The following HGH1 variants were observed in gnomAD, a reference collection of about 807,000 sequenced individuals.
HGH1 encodes co-chaperone protein HGH1 homolog.
In HGH1, 31 loss-of-function variants were observed where a neutral mutation model predicts 31.7. The ratio of observed to expected loss-of-function variants is 0.98; its 90% CI spans 0.73 to 1.32. The LOEUF is 1.32. HGH1 is among the 40% of genes most tolerant of loss of function. HGH1 has a pLI of 0.00. For missense variants in HGH1, 618 were observed against 594.4 expected, an observed-to-expected ratio of 1.04 and a Z score of -0.41; for synonymous variants, 284 against 293.6, an observed-to-expected ratio of 0.97 and a Z score of 0.34.
In HGH1 at chr8:144,137,897, A is replaced by G; in HGVS notation, c.62A>G (p.Glu21Gly). 7.6e-7 allele frequency: 1 copy of G among 1,311,642 alleles called. No individual in the cohort carries two copies. 81.3% of individuals were successfully genotyped at this position (1,311,642 alleles called of 1,614,324 possible). ...SGGPEASPEA[E>G]VVKLLPFLAP... ...GGGCCGGAGGCAAGCCCGGAGGCAG[A>G]GGTGGTGAAGCTGCTGCCCTTCCTG... is the stretch of plus-strand genomic sequence containing the variant. Residue 21 changes from glutamate to glycine, a missense_variant, in exon 1 of 6, where the codon GAG becomes GGG. Coordinates refer to ENST00000347708, the MANE Select transcript of HGH1 (RefSeq NM_016458.4).
Position 144,138,574 on chromosome 8 carries a change from G to T in HGH1, c.661G>T (p.Val221Leu). The T allele has an allele frequency of 6.2e-7, 1 of 1,612,960 alleles. No individual in the cohort carries two copies. Among genetic ancestry groups the T allele is most frequent in the Non-Finnish European group, 8.5e-7 (1 of 1,179,568 alleles). The change falls in exon 2 of 6, where the codon GTG (valine) becomes TTG (leucine). Residue 221 changes from valine (V) to leucine (L), a missense_variant. Transcript: ENST00000347708. ...CTCCTCTGTACGCAGGGGCGGGGTG[G>T]TGGGGACGCTGCGGAATTGCTGCTT... Reference protein sequence around the residue: ...PDSSVRRGGVVGTLRNCCFEH... With the variant: ...PDSSVRRGGVLGTLRNCCFEH...
chr8:144,138,369 G>A lies in HGH1; in HGVS notation c.534G>A (p.Pro178=), dbSNP rs899328421. 6.3e-7 allele frequency: 1 copy of A among 1,581,512 alleles called. No individual in the cohort carries two copies. The change falls in exon 1 of 6, where the codon CCG becomes CCA. Residue 178 remains proline, a synonymous_variant. Coordinates refer to ENST00000347708, the MANE Select transcript of HGH1 (RefSeq NM_016458.4). ...NARAPLHYLA[P]LLSNLSQRPA... Reference sequence around the variant, plus strand: ...GCGCGCCCCTGCACTACCTAGCGCCGCTGCTCTCCAACCTCAGCCAACGCC... The same window carrying A: ...GCGCGCCCCTGCACTACCTAGCGCCACTGCTCTCCAACCTCAGCCAACGCC...
Position 144,140,608 on chromosome 8 carries a change from C to T in HGH1, c.*1056C>T, listed in dbSNP as rs925385493. 1.0e-4 allele frequency: 16 copies of T among 152,440 alleles called. No homozygotes were observed. Among genetic ancestry groups the T allele is most frequent in the African/African-American group, 3.8e-4 (16 of 41,564 alleles). 9.4% of individuals were successfully genotyped at this position (152,440 alleles called of 1,614,324 possible). On this transcript the variant is annotated 3_prime_UTR_variant, in exon 6 of 6. Coordinates refer to ENST00000347708, the MANE Select transcript of HGH1 (RefSeq NM_016458.4). The stretch of plus-strand genomic sequence containing the variant: ...TGGCAATTCACAATGCCTCACTCCA[C>T]ACCCTAAAACTGGAGCGTCCCCTAT...
Position 144,137,967 on chromosome 8 carries a change from C to T in HGH1, c.132C>T (p.His44=), listed in dbSNP as rs1815117505. 1.5e-6 allele frequency: 2 copies of T among 1,321,804 alleles called. No individual in the cohort carries two copies. The highest frequency in any genetic ancestry group is 2.1e-5 in the South Asian group (1 of 48,016). The allele number at this position is 1,321,804 out of a possible 1,614,324, so 81.9% of individuals were successfully genotyped here. Residue 44 remains histidine, a synonymous_variant, in exon 1 of 6, where the codon CAC becomes CAT. Transcript: ENST00000347708. ...RADLQAAAVR[H]VLALTGCGPG... ...ACCTGCAGGCGGCGGCGGTGCGGCA[C>T]GTGCTGGCGCTGACTGGCTGCGGAC... is the stretch of plus-strand genomic sequence containing the variant.
In HGH1 at chr8:144,139,120, C is replaced by G; in HGVS notation, c.885+20C>G. 3.1e-6 allele frequency: 5 copies of G among 1,613,992 alleles called. No homozygotes were observed. The highest frequency in any genetic ancestry group is 4.2e-6 in the Non-Finnish European group (5 of 1,179,866). The stretch of plus-strand genomic sequence containing the variant: ...ATGCTGGTGAGCAGGAGCCCTGCTG[C>G]AATAAGCACCACCCCAACACACACA... On this transcript the variant is annotated intron_variant, in intron 4 of 5. Coordinates refer to ENST00000347708, the MANE Select transcript of HGH1 (RefSeq NM_016458.4).
rs1220685497 is a variant in HGH1, at chr8:144,137,984, G to T, written c.149G>T (p.Gly50Val). The change falls in exon 1 of 6, where the codon GGC becomes GTC. Residue 50 changes from glycine (G) to valine (V), a missense_variant. By Grantham distance (109) the Gly-to-Val change is moderately radical (BLOSUM62 -3). Transcript: ENST00000347708. ...AAVRHVLALT[G>V]CGPGRALLAG... ...GTGCGGCACGTGCTGGCGCTGACTG[G>T]CTGCGGACCCGGCCGCGCGCTGTTG... is the stretch of plus-strand genomic sequence containing the variant. 3.0e-6 allele frequency: 4 copies of T among 1,329,502 alleles called. No individual in the cohort carries two copies. In the East Asian group the frequency reaches 9.5e-5, roughly 32 times the overall value. The allele number at this position is 1,329,502 out of a possible 1,614,324, so 82.4% of individuals were successfully genotyped here. A position where few individuals can be genotyped will look rare whatever the true frequency, so the allele number is the denominator to read the frequency against.
In HGH1 at chr8:144,138,562, A is replaced by T; in HGVS notation, c.649A>T (p.Arg217Trp). ...LTQYPDSSVR[R>W]GGVVGTLRNC... ...CCAGTACCCCGACTCCTCTGTACGCAGGGGCGGGGTGGTGGGGACGCTGCG... is the reference window on the plus strand; with the variant it reads ...CCAGTACCCCGACTCCTCTGTACGCTGGGGCGGGGTGGTGGGGACGCTGCG... The change falls in exon 2 of 6, where the codon AGG (arginine) becomes TGG (tryptophan). Residue 217 changes from arginine (R) to tryptophan (W), a missense_variant. Transcript: ENST00000347708. 1 of 1,612,682 alleles carries T rather than the reference A, an allele frequency of 6.2e-7. No individual in the cohort carries two copies. The highest frequency in any genetic ancestry group is 8.5e-7 in the Non-Finnish European group (1 of 1,179,492).
rs1276103221 is a variant in HGH1 at position 144,137,919 on chromosome 8, C to T, written c.84C>T (p.Phe28=). 19 of 1,326,012 alleles carry T rather than the reference C, an allele frequency of 1.4e-5. No individual in the cohort carries two copies. In the East Asian group the frequency reaches 5.2e-4, roughly 37 times the overall value. 82.1% of individuals were successfully genotyped at this position (1,326,012 alleles called of 1,614,324 possible). The change falls in exon 1 of 6, where the codon TTC becomes TTT. Residue 28 remains phenylalanine, a synonymous_variant. Coordinates refer to ENST00000347708, the MANE Select transcript of HGH1 (RefSeq NM_016458.4). ...CAGAGGTGGTGAAGCTGCTGCCCTTCCTGGCGCCGGGCGCGCGGGCGGACC... is the reference window on the plus strand; with the variant it reads ...CAGAGGTGGTGAAGCTGCTGCCCTTTCTGGCGCCGGGCGCGCGGGCGGACC... ...PEAEVVKLLP[F]LAPGARADLQ...
At position 144,139,514 on chromosome 8, in the gene HGH1, G is replaced by T. The variant is rs1233852505; in HGVS notation, c.1135G>T (p.Ala379Ser). The T allele has an allele frequency of 3.8e-6, 6 of 1,560,692 alleles. No individual in the cohort carries two copies. The highest frequency in any genetic ancestry group is 5.2e-6 in the Non-Finnish European group (6 of 1,152,770). ...REQEQLEREL[A>S]PEPWVERATP... is the part of the protein sequence containing the mutation. ...GCAGGAGCAGTTGGAGCGGGAGCTG[G>T]CCCCAGAGCCATGGGTGGAGAGGGC... The change falls in exon 6 of 6, where the codon GCC (alanine) becomes TCC (serine). Residue 379 changes from alanine to serine, a missense_variant. Ala to Ser is a moderately conservative substitution (Grantham distance 99, BLOSUM62 1). Transcript: ENST00000347708.
At position 144,139,262 on chromosome 8, in the gene HGH1, G is replaced by A; in HGVS notation, c.959G>A (p.Ser320Asn). ...TACCTGATCCTTCGAGAGCTGCACAGCTGGGAGCCGGAGCCCGACGTGCGG... is the reference window on the plus strand; with the variant it reads ...TACCTGATCCTTCGAGAGCTGCACAACTGGGAGCCGGAGCCCGACGTGCGG... The part of the protein sequence containing the change: ...GAYLILRELH[S>N]WEPEPDVRTA... The change falls in exon 5 of 6, where the codon AGC (serine) becomes AAC (asparagine). Residue 320 changes from serine to asparagine, a missense_variant. Physicochemically the swap from Ser to Asn is conservative, Grantham distance 46 (BLOSUM62 1). Transcript: ENST00000347708. 1.2e-6 allele frequency: 2 copies of A among 1,613,992 alleles called. No homozygotes were observed. Among genetic ancestry groups the A allele is most frequent in the South Asian group, 2.2e-5 (2 of 91,074 alleles).
chr8:144,139,160 C>T, intron 4 of HGH1, 29 bp from the exon 5 acceptor site: 2 of 1,613,998 alleles, frequency 1.2e-6, no homozygotes, highest in South Asian at 1.1e-5. Context: ...AGCATGCTGA[C>T]ATCTGGGTAA....
In HGH1 at chr8:144,140,689, A is replaced by G. The variant is rs1237530996; in HGVS notation, c.*1137A>G. ...TCTCCCGCCTCCAGGATCTCCTCTC[A>G]CCTGCCCCCATTAAAGCTCTGCCAC... On this transcript the variant is annotated 3_prime_UTR_variant, in exon 6 of 6. Transcript: ENST00000347708. The G allele has an allele frequency of 1.3e-5, 2 of 151,920 alleles. No individual in the cohort carries two copies. Among genetic ancestry groups the G allele is most frequent in the African/African-American group, 4.8e-5 (2 of 41,242 alleles). 9.4% of individuals were successfully genotyped at this position (151,920 alleles called of 1,614,324 possible). A position where few individuals can be genotyped will look rare whatever the true frequency, so the allele number is the denominator to read the frequency against.
chr8:144,138,380 A>G lies in HGH1; in HGVS notation c.545A>G (p.Asn182Ser). Residue 182 changes from asparagine (N) to serine (S), a missense_variant, in exon 1 of 6, where the codon AAC (asparagine) becomes AGC (serine). Asn to Ser is a conservative substitution (Grantham distance 46). Coordinates refer to ENST00000347708, the MANE Select transcript of HGH1 (RefSeq NM_016458.4). ...CACTACCTAGCGCCGCTGCTCTCCA[A>G]CCTCAGCCAACGCCCTGCGGCGCGG... ...PLHYLAPLLS[N>S]LSQRPAARAF... The G allele has an allele frequency of 6.3e-7, 1 of 1,584,834 alleles. No homozygotes were observed. The highest frequency in any genetic ancestry group is 8.5e-7 in the Non-Finnish European group (1 of 1,174,908).
Position 144,139,233 on chromosome 8 carries a change from AGCCTACCTGATCCTTC to A in HGH1, c.932_947del (p.Ala311GlufsTer122). On this transcript the variant is annotated frameshift_variant, in exon 5 of 6. Transcript: ENST00000347708. LOFTEE classifies it high-confidence loss of function. ...GTCGGCAGCAGGTGCGGGACCAGGGAGCCTACCTGATCCTTCGAGAGCTGCACAGCTGGGAGCCGGA... is the reference window on the plus strand; with the variant it reads ...GTCGGCAGCAGGTGCGGGACCAGGGAGAGAGCTGCACAGCTGGGAGCCGGA... 1 of 1,613,958 alleles carries A rather than the reference AGCCTACCTGATCCTTC, an allele frequency of 6.2e-7. No homozygotes were observed. Among genetic ancestry groups the A allele is most frequent in the Non-Finnish European group, 8.5e-7 (1 of 1,179,860 alleles).
Position 144,138,318 on chromosome 8 carries a change from G to T in HGH1, c.483G>T (p.Ala161=). The change falls in exon 1 of 6, where the codon GCG becomes GCT. Residue 161 remains alanine (A), a synonymous_variant. Transcript: ENST00000347708. ...ADSGLERLVR[A]LCTPGYNARA... Reference sequence around the variant, plus strand: ...CGGGCCTGGAGCGGCTGGTGCGCGCGCTGTGCACGCCCGGCTACAACGCCC... The same window carrying T: ...CGGGCCTGGAGCGGCTGGTGCGCGCTCTGTGCACGCCCGGCTACAACGCCC... 2 of 1,532,532 alleles carry T rather than the reference G, an allele frequency of 1.3e-6. No homozygotes were observed. Among genetic ancestry groups the T allele is most frequent in the South Asian group, 1.2e-5 (1 of 84,124 alleles). 94.9% of individuals were successfully genotyped at this position (1,532,532 alleles called of 1,614,324 possible).
At chr8:144,138,668 T>G in intron 2 of HGH1, 47 bp from the exon 3 acceptor site, 1 of 1,610,840 alleles carries the variant, frequency 6.2e-7, no homozygotes, top group South Asian at 1.1e-5. Flanking sequence ...CCGGGGCTGC[T>G]CTGGACCAGT....
At position 144,137,885 on chromosome 8, in the gene HGH1, GCC is replaced by G; in HGVS notation, c.52_53del (p.Pro18GlyfsTer223). On this transcript the variant is annotated frameshift_variant, in exon 1 of 6. Coordinates refer to ENST00000347708, the MANE Select transcript of HGH1 (RefSeq NM_016458.4). LOFTEE classifies it high-confidence loss of function. Reference sequence around the variant, plus strand: ...GGCGCCTCGGGAGGGCCGGAGGCAAGCCCGGAGGCAGAGGTGGTGAAGCTGCT... The same window carrying G: ...GGCGCCTCGGGAGGGCCGGAGGCAAGCGGAGGCAGAGGTGGTGAAGCTGCT... The G allele has an allele frequency of 7.7e-7, 1 of 1,304,746 alleles. No homozygotes were observed. Among genetic ancestry groups the G allele is most frequent in the East Asian group, 3.1e-5 (1 of 32,276 alleles). The allele number at this position is 1,304,746 out of a possible 1,614,324, so 80.8% of individuals were successfully genotyped here.
In HGH1 at chr8:144,139,081, T is replaced by G. The variant is rs1815146452; in HGVS notation, c.866T>G (p.Leu289Arg). The stretch of plus-strand genomic sequence containing the variant: ...CCTGATGCAGACATCCGCAAGATGC[T>G]TGTTGAAGCCATCATGCTGGTGAGC... ...REPDADIRKMLVEAIMLLTAT... is the reference protein window; with the variant it reads ...REPDADIRKMRVEAIMLLTAT... The change falls in exon 4 of 6, where the codon CTT (leucine) becomes CGT (arginine). Residue 289 changes from leucine (L) to arginine (R), a missense_variant. By Grantham distance (102) the Leu-to-Arg change is moderately radical. Coordinates refer to ENST00000347708, the MANE Select transcript of HGH1 (RefSeq NM_016458.4). 6 of 1,613,848 alleles carry G rather than the reference T, an allele frequency of 3.7e-6. No homozygotes were observed. In the African/African-American group the frequency reaches 6.7e-5, roughly 18 times the overall value.
In HGH1 at chr8:144,139,566, G is replaced by A. The variant is rs1039643524; in HGVS notation, c.*14G>A. ...ACACCCACCTGAGGCCCCTGCAGCC[G>A]GACACCAGCTCCAGGGTCCCCTTTG... On this transcript the variant is annotated 3_prime_UTR_variant, in exon 6 of 6. Coordinates refer to ENST00000347708, the MANE Select transcript of HGH1 (RefSeq NM_016458.4). 8.6e-5 allele frequency: 133 copies of A among 1,549,922 alleles called. No homozygotes were observed. The highest frequency in any genetic ancestry group is 3.4e-4 in the African/African-American group (25 of 73,028).
Sources: allele counts gnomAD v4.1 joint callset, GRCh38; gene constraint gnomAD v4.1.1; transcripts MANE v1.5; gene names NCBI Gene and HGNC (gene_info 2026-07-23, HGNC 2026-07-21).